Variants in XYLT1 observed in about 807,000 individuals in gnomAD.
XYLT1 encodes the protein xylosyltransferase 1.
In XYLT1, 36 loss-of-function variants were observed where a neutral mutation model predicts 91.3. The ratio of observed to expected loss-of-function variants is 0.39; its 90% CI spans 0.30 to 0.52. XYLT1 has a LOEUF of 0.52. Among genes scored for constraint, XYLT1 ranks in the 20% least tolerant of loss-of-function variants. XYLT1 has a pLI of 0.68. For synonymous variants in XYLT1, 588 were observed against 532.0 expected, an observed-to-expected ratio of 1.11 and a Z score of -1.45; for missense variants, 1,242 against 1,284.5, an observed-to-expected ratio of 0.97 and a Z score of 0.51.
intron 2 of XYLT1, among the ~76,000 whole-genome samples, chr16:17,298,269 T>A (rs1049941704): frequency 6.6e-6 from 1 of 151,848 alleles, no homozygotes; most frequent in Admixed American, 6.6e-5. Context: ...GGGCTGGAGG[T>A]ATAGTGTGTC....
At chr16:17,137,160 C>CTCTGCATTCA (rs2030762778) in intron 8 of XYLT1, among the ~76,000 whole-genome samples, 1 of 152,112 alleles carries the variant, frequency 6.6e-6, no homozygotes. Flanking sequence ...CTGCAGTGTA[C>CTCTGCATTCA]TCTGCATTCA....
chr16:17,199,674 A>T (rs1163957587), intron 4 of XYLT1, among the ~76,000 whole-genome samples: 1 of 152,106 alleles, frequency 6.6e-6, no homozygotes, highest in African/African-American at 2.4e-5. Context: ...TTACACCGGG[A>T]AACTTCTTTT....
intron 3 of XYLT1, among the ~76,000 whole-genome samples, chr16:17,205,266 T>C (rs1402671400): frequency 6.6e-6 from 1 of 152,246 alleles, no homozygotes. Context: ...ACGAGGACTA[T>C]GTAATCCTTG....
chr16:17,271,755 C>T (rs564597568), intron 2 of XYLT1, among the ~76,000 whole-genome samples: 1 of 152,046 alleles, frequency 6.6e-6, no homozygotes, highest in Non-Finnish European at 1.5e-5. Flanking sequence ...ACCTTCCCAC[C>T]CCCGACCCCT....
chr16:17,450,521 G>C (rs2036653090), intron 1 of XYLT1, among the ~76,000 whole-genome samples: 1 of 152,186 alleles, frequency 6.6e-6, no homozygotes, highest in Non-Finnish European at 1.5e-5. Flanking sequence ...GCTGGAAGAA[G>C]AGACATGTGC....
intron 5 of XYLT1, among the ~76,000 whole-genome samples, chr16:17,172,713 T>TCCAC (rs1035652134): frequency 6.6e-6 from 1 of 152,208 alleles, no homozygotes; most frequent in African/African-American, 2.4e-5. Context: ...CCTCAGGTGA[T>TCCAC]CCGCCTGCCT....
At chr16:17,393,354 G>T (rs2035843929) in intron 1 of XYLT1, among the ~76,000 whole-genome samples, 1 of 152,162 alleles carries the variant, frequency 6.6e-6, no homozygotes, top group Non-Finnish European at 1.5e-5. Flanking sequence ...CTGTTACATG[G>T]ATAAACTGTG....
intron 2 of XYLT1, among the ~76,000 whole-genome samples, chr16:17,268,228 A>G (rs2033835340): frequency 6.6e-6 from 1 of 152,244 alleles, no homozygotes; most frequent in Admixed American, 6.5e-5. Flanking sequence ...AGATTTGCAA[A>G]AAATGTAAAA....
rs182780870 is a variant in XYLT1 at position 17,391,262 on chromosome 16, T to C, written c.364-33212A>G. Among the ~76,000 whole-genome samples, 308 of 152,248 alleles carry C rather than the reference T, an allele frequency of 2.0e-3. 1 individual carries two copies. Among genetic ancestry groups the C allele is most frequent in the Admixed American group, 2.9e-3 (45 of 15,294 alleles). On this transcript the variant is annotated intron_variant, in intron 1 of 11. Coordinates refer to ENST00000261381, the MANE Select transcript of XYLT1 (RefSeq NM_022166.4). ...ATGAACTAGGGGAAGATTTTTACAT[T>C]TCTGACTATGATGGCTTGACCCAGA...
At chr16:17,446,561 G>A (rs527758407) in intron 1 of XYLT1, among the ~76,000 whole-genome samples, 3 of 152,170 alleles carry the variant, frequency 2.0e-5, no homozygotes, top group African/African-American at 7.2e-5. Context: ...GGCTCAACAA[G>A]CCCCAGAGTG....
intron 5 of XYLT1, among the ~76,000 whole-genome samples, chr16:17,176,386 G>A (rs1465596689): frequency 6.6e-6 from 1 of 152,252 alleles, no homozygotes; most frequent in African/African-American, 2.4e-5. Context: ...GCTGAGGCAG[G>A]TAACTGATGG....
intron 1 of XYLT1, among the ~76,000 whole-genome samples, chr16:17,412,361 G>T: frequency 6.6e-6 from 1 of 151,856 alleles, no homozygotes; most frequent in South Asian, 2.1e-4. Flanking sequence ...GGGTCCTGGC[G>T]CACACACACG....
intron 3 of XYLT1, among the ~76,000 whole-genome samples, chr16:17,202,346 T>G (rs1328979577): frequency 6.6e-6 from 1 of 152,226 alleles, no homozygotes; most frequent in African/African-American, 2.4e-5. Flanking sequence ...AACGAGGCTC[T>G]TTCTACGTAG....
chr16:17,267,102 CACAGGGTGAGGCAGGA>C (rs1180341586), intron 2 of XYLT1, among the ~76,000 whole-genome samples: 1 of 152,176 alleles, frequency 6.6e-6, no homozygotes, highest in African/African-American at 2.4e-5. Flanking sequence ...TGCAAAACAG[CACAGGGTGAGGCAGGA>C]AGGAGTGAGA....
chr16:17,258,157 AGAAG>A (rs142977936), intron 3 of XYLT1, among the ~76,000 whole-genome samples: 46 of 151,630 alleles, frequency 3.0e-4, no homozygotes, highest in African/African-American at 5.6e-4. Flanking sequence ...AAAGGTGGAA[AGAAG>A]GAAGGAAGGA....
intron 2 of XYLT1, among the ~76,000 whole-genome samples, chr16:17,275,749 C>T (rs771487623): frequency 7.2e-5 from 11 of 152,276 alleles, no homozygotes; most frequent in Admixed American, 2.0e-4. Flanking sequence ...CAACATTCTC[C>T]GATCCAGGTC....
intron 10 of XYLT1, among the ~76,000 whole-genome samples, chr16:17,127,213 C>T (rs773762999): frequency 4.2e-4 from 64 of 152,248 alleles, no homozygotes; most frequent in African/African-American, 1.5e-3. Context: ...TTCCCTTGAG[C>T]GAATCCAGGT....
At chr16:17,322,907 T>C (rs1567374136) in intron 2 of XYLT1, among the ~76,000 whole-genome samples, 1 of 152,208 alleles carries the variant, frequency 6.6e-6, no homozygotes, top group Non-Finnish European at 1.5e-5. Flanking sequence ...GGCATGATGT[T>C]TGGCACAAAG....
rs148060163 is a variant in XYLT1 at position 17,329,318 on chromosome 16, C to T, written c.402+28694G>A. On this transcript the variant is annotated intron_variant, in intron 2 of 11. Coordinates refer to ENST00000261381, the MANE Select transcript of XYLT1 (RefSeq NM_022166.4). Reference sequence around the variant, plus strand: ...TTATTTCAATCCACCACTCTGTAACCGTGAGACTCAGTTTCCCTCTTTTAC... The same window carrying T: ...TTATTTCAATCCACCACTCTGTAACTGTGAGACTCAGTTTCCCTCTTTTAC... Among the ~76,000 whole-genome samples the T allele has an allele frequency of 2.8e-4, 43 of 152,302 alleles. No homozygotes were observed. In the East Asian group the frequency reaches 2.9e-3, roughly 10 times the overall value.
Sources: allele counts gnomAD v4.1 joint callset (sites outside exome capture counted in the v4.1 genomes callset), GRCh38; gene constraint gnomAD v4.1.1; transcripts MANE v1.5; gene names NCBI Gene and HGNC (gene_info 2026-07-23, HGNC 2026-07-21).